The following NEBL variants were observed in gnomAD, a reference collection of about 807,000 sequenced individuals.
NEBL encodes the protein nebulette, also known as LIM and SH3 protein 2.
In NEBL, 122 loss-of-function variants were observed where a neutral mutation model predicts 140.2. That is an observed-to-expected ratio of 0.87 (90% CI 0.75 to 1.01). NEBL has a LOEUF of 1.01. Ranked by LOEUF, NEBL falls within the 50% of genes least tolerant of loss-of-function variation. The pLI is 0.00. For synonymous variants in NEBL, 436 were observed against 398.9 expected (o/e 1.09, Z -1.11); for missense variants, 1,365 against 1,231.3 (o/e 1.11, Z -1.62).
At chr10:21,267,935 A>C (rs1842816003) in intron 1 of NEBL, among the ~76,000 whole-genome samples, 1 of 152,146 alleles carries the variant, frequency 6.6e-6, no homozygotes, top group Non-Finnish European at 1.5e-5. Flanking sequence ...TTCATGCCTG[A>C]GCACTCTTGT....
At position 21,034,167 on chromosome 10, in the gene NEBL, G is replaced by GAAA. The variant is rs964552949; in HGVS notation, c.165-13969_165-13967dup. 9.6e-4 allele frequency among the ~76,000 whole-genome samples: 32 copies of GAAA among 33,462 alleles called. 1 individual carries two copies. Among genetic ancestry groups the GAAA allele is most frequent in the East Asian group, 5.5e-3 (6 of 1,098 alleles). The allele number at this position is 33,462 out of a possible 152,430, so 22.0% of individuals were successfully genotyped here. A position where few individuals can be genotyped will look rare whatever the true frequency, so the allele number is the denominator to read the frequency against. ...AGGCAACAGAGCAAGACCCTATCTC[G>GAAA]AAAAAAAAAAAAAAAAAAAAAAAGA... is the stretch of plus-strand genomic sequence containing the variant. On this transcript the variant is annotated intron_variant, in intron 2 of 6. Coordinates refer to the NEBL transcript ENST00000417816.
chr10:20,969,544 C>CTTTT (rs771623257), intron 3 of NEBL, among the ~76,000 whole-genome samples: 41 of 115,744 alleles, frequency 3.5e-4, no homozygotes, highest in East Asian at 1.3e-3. Context: ...TTTTTCTTTT[C>CTTTT]TTTTTTTTTT....
At chr10:20,896,286 A>G (rs1847464446) in intron 2 of NEBL, among the ~76,000 whole-genome samples, 1 of 151,842 alleles carries the variant, frequency 6.6e-6, no homozygotes, top group African/African-American at 2.4e-5. Context: ...TCTAGCTTAC[A>G]TATTTAACAT....
intron 3 of NEBL, among the ~76,000 whole-genome samples, chr10:21,200,380 C>T (rs1238282438): frequency 1.6e-5 from 2 of 122,366 alleles, no homozygotes; most frequent in African/African-American, 6.3e-5. Flanking sequence ...GTGACACGAT[C>T]TCGGCTCACT....
At chr10:21,064,904 C>T (rs1402452730) in intron 2 of NEBL, among the ~76,000 whole-genome samples, 4 of 148,054 alleles carry the variant, frequency 2.7e-5, no homozygotes, top group Non-Finnish European at 6.0e-5. Context: ...TTTGGACAAG[C>T]AGGAAAAAAA....
At chr10:20,933,399 A>T (rs967874197) in intron 4 of NEBL, among the ~76,000 whole-genome samples, 1 of 152,150 alleles carries the variant, frequency 6.6e-6, no homozygotes, top group African/African-American at 2.4e-5. Flanking sequence ...TATATGACTG[A>T]CTCACTCTCA....
chr10:21,163,567 C>T (rs1030858096), intron 2 of NEBL, among the ~76,000 whole-genome samples: 1 of 152,198 alleles, frequency 6.6e-6, no homozygotes, highest in Non-Finnish European at 1.5e-5. Context: ...CTAACTCCCG[C>T]TCCACATCCC....
intron 3 of NEBL, among the ~76,000 whole-genome samples, chr10:21,227,970 A>G (rs1373564918): frequency 6.6e-6 from 1 of 152,042 alleles, no homozygotes; most frequent in African/African-American, 2.4e-5. Context: ...TTACATTTAC[A>G]TTCTTAAAAG....
At chr10:21,066,971 C>CAT (rs1835580110) in intron 2 of NEBL, among the ~76,000 whole-genome samples, 2 of 112,832 alleles carry the variant, frequency 1.8e-5, no homozygotes, top group Non-Finnish European at 3.5e-5. Context: ...AATAATTTAA[C>CAT]TTTTTTTTTT....
chr10:21,292,503 G>A (rs2293438), intron 1 of NEBL, among the ~76,000 whole-genome samples: 1 of 151,992 alleles, frequency 6.6e-6, no homozygotes, highest in Non-Finnish European at 1.5e-5. Flanking sequence ...TATTGAAATT[G>A]ACTGAGAAAG....
At chr10:20,909,448 T>C (rs918202088) in intron 4 of NEBL, among the ~76,000 whole-genome samples, 2 of 152,128 alleles carry the variant, frequency 1.3e-5, no homozygotes, top group African/African-American at 2.4e-5. Context: ...CTCTAAGATA[T>C]TGGACACACA....
chr10:21,027,959 C>T (rs970521728), intron 2 of NEBL, among the ~76,000 whole-genome samples: 9 of 152,080 alleles, frequency 5.9e-5, no homozygotes, highest in Admixed American at 1.3e-4. Context: ...CAGTGGCTCA[C>T]ACCTGTAATC....
chr10:21,233,139 T>C (rs1052180842), intron 3 of NEBL, among the ~76,000 whole-genome samples: 24 of 152,190 alleles, frequency 1.6e-4, no homozygotes, highest in African/African-American at 5.5e-4. Context: ...GTTGGTTCAC[T>C]GCAACCTCCA....
rs572914138 is a variant in NEBL at position 21,107,579 on chromosome 10, A to T, written c.164+64804T>A. On this transcript the variant is annotated intron_variant, in intron 2 of 6. Transcript: ENST00000417816. ...GCTGGATTCAGTTTGCCAGTATTTT[A>T]TTGAGGATTTTTGCATCGATGTTCA... Among the ~76,000 whole-genome samples, 299 of 152,302 alleles carry T rather than the reference A, an allele frequency of 2.0e-3. 2 individuals are homozygous for T. The highest frequency in any genetic ancestry group is 7.0e-3 in the African/African-American group (290 of 41,558).
At chr10:20,988,600 G>C (rs991894855) in intron 3 of NEBL, among the ~76,000 whole-genome samples, 2 of 152,016 alleles carry the variant, frequency 1.3e-5, no homozygotes, top group African/African-American at 4.8e-5. Flanking sequence ...TCATCAAATT[G>C]TCTCTCTCTA....
chr10:21,286,366 C>T (rs143179543), intron 1 of NEBL, among the ~76,000 whole-genome samples: 13 of 152,278 alleles, frequency 8.5e-5, no homozygotes, highest in Middle Eastern at 3.4e-3. Flanking sequence ...TTGTGGGGCA[C>T]GGCCAGGCCA....
chr10:21,191,526 G>T (rs1040301673), intron 3 of NEBL, among the ~76,000 whole-genome samples: 2 of 152,104 alleles, frequency 1.3e-5, no homozygotes, highest in Non-Finnish European at 2.9e-5. Context: ...TCCTATCAAT[G>T]GAAGTTCTTA....
At chr10:21,227,852 T>C (rs1842192979) in intron 3 of NEBL, among the ~76,000 whole-genome samples, 1 of 150,434 alleles carries the variant, frequency 6.6e-6, no homozygotes, top group African/African-American at 2.5e-5. Context: ...TTCTTCTTCT[T>C]TCTTCTTCTT....
In NEBL at chr10:21,173,651, C is replaced by T. The variant is rs1841184201; in HGVS notation, c.69+114G>A. 1 of 1,551,360 alleles carries T rather than the reference C, an allele frequency of 6.4e-7. No individual in the cohort carries two copies. The highest frequency in any genetic ancestry group is 8.8e-7 in the Non-Finnish European group (1 of 1,140,062). ...CGCGCCCTCCCCCCGTGCCAAGGCA[C>T]ACGCACACGCACCGACCCACTCATT... On this transcript the variant is annotated intron_variant, in intron 1 of 6. Coordinates refer to the NEBL transcript ENST00000417816. This position sits in a 1 kb window ranked among gnomAD's most constrained non-coding sequence, Gnocchi z 5.7.
Sources: gnomAD v4.1 joint callset for allele counts (sites outside exome capture counted in the v4.1 genomes callset) on GRCh38, gnomAD v4.1.1 for gene constraint, Gnocchi (gnomAD v3.1) non-coding constraint, MANE v1.5 for transcripts, NCBI Gene and HGNC (gene_info 2026-07-23, HGNC 2026-07-21) for gene names.